ZBTB7C: variants seen among roughly 807,000 people sequenced by gnomAD.
The protein encoded by ZBTB7C is zinc finger and BTB domain-containing protein 7C.
Under a neutral mutation model 25.7 loss-of-function variants are expected in ZBTB7C, and 8 were observed. That is an observed-to-expected ratio of 0.31 (90% CI 0.18 to 0.56). The LOEUF is 0.56. Ranked by LOEUF, ZBTB7C falls within the 20% of genes least tolerant of loss-of-function variation. The probability of loss-of-function intolerance (pLI) is 0.91; values close to 1 mark genes in which losing one functional copy is unlikely to be tolerated. For missense variants in ZBTB7C, 824 were observed against 855.2 expected (o/e 0.96, Z 0.46); for synonymous variants, 394 against 369.0 (o/e 1.07, Z -0.78).
At chr18:48,232,398 C>T (rs1363513380) in intron 2 of ZBTB7C, among the ~76,000 whole-genome samples, 2 of 152,170 alleles carry the variant, frequency 1.3e-5, no homozygotes, top group Non-Finnish European at 2.9e-5. Flanking sequence ...AAGCCACCTA[C>T]TTTGTCATAC....
chr18:48,061,856 C>G (rs759008285), intron 3 of ZBTB7C, among the ~76,000 whole-genome samples: 9 of 152,120 alleles, frequency 5.9e-5, no homozygotes, highest in Non-Finnish European at 1.0e-4. Flanking sequence ...ACTTGCTGAG[C>G]ACAGATGGGC....
chr18:48,371,664 A>C (rs1277852217), intron 1 of ZBTB7C, among the ~76,000 whole-genome samples: 3 of 152,248 alleles, frequency 2.0e-5, no homozygotes, highest in African/African-American at 4.8e-5. Flanking sequence ...GCCAGGCACC[A>C]GATTAAAACC....
At chr18:48,326,737 C>T (rs1010763778) in intron 2 of ZBTB7C, among the ~76,000 whole-genome samples, 4 of 152,224 alleles carry the variant, frequency 2.6e-5, no homozygotes, top group Non-Finnish European at 5.9e-5. Context: ...AAATGGAAAA[C>T]TAAGAATACA....
At chr18:48,237,003 T>G (rs758023992) in intron 2 of ZBTB7C, among the ~76,000 whole-genome samples, 3 of 152,084 alleles carry the variant, frequency 2.0e-5, no homozygotes, top group Non-Finnish European at 4.4e-5. Context: ...AAGGGTGGTG[T>G]TACTGGCTCT....
At chr18:48,377,164 C>A (rs527540941) in intron 1 of ZBTB7C, among the ~76,000 whole-genome samples, 1 of 152,326 alleles carries the variant, frequency 6.6e-6, no homozygotes, top group African/African-American at 2.4e-5. Flanking sequence ...CACCCCCCAA[C>A]AGAGCATCAT....
At chr18:48,357,084 T>C (rs1444901020) in intron 1 of ZBTB7C, among the ~76,000 whole-genome samples, 1 of 152,212 alleles carries the variant, frequency 6.6e-6, no homozygotes, top group African/African-American at 2.4e-5. Context: ...TGAGGCAGCC[T>C]GCATTCTCCA....
At chr18:48,060,385 T>A (rs1212013459) in intron 3 of ZBTB7C, among the ~76,000 whole-genome samples, 2 of 152,002 alleles carry the variant, frequency 1.3e-5, no homozygotes, top group Non-Finnish European at 2.9e-5. Context: ...GCCATCTAGC[T>A]CCCAAACCTT....
intron 2 of ZBTB7C, among the ~76,000 whole-genome samples, chr18:48,259,291 TGGG>T (rs2044104784): frequency 1.6e-5 from 2 of 126,096 alleles, no homozygotes; most frequent in African/African-American, 3.7e-5. Flanking sequence ...AGCAATTCAA[TGGG>T]AAAAGGATAG....
chr18:48,401,341 C>T (rs1228598094), intron 1 of ZBTB7C, among the ~76,000 whole-genome samples: 5 of 152,170 alleles, frequency 3.3e-5, no homozygotes, highest in Non-Finnish European at 7.4e-5. Context: ...TCCCCTCACT[C>T]TTTGTCGAGA....
chr18:48,202,323 T>C (rs957018793), intron 2 of ZBTB7C, among the ~76,000 whole-genome samples: 1 of 152,064 alleles, frequency 6.6e-6, no homozygotes, highest in Non-Finnish European at 1.5e-5. Flanking sequence ...CAGCGGGGGC[T>C]GCTGAGTCCA....
chr18:48,033,081 G>C lies in ZBTB7C; in HGVS notation c.1209-3170C>G, dbSNP rs1174541713. The stretch of plus-strand genomic sequence containing the variant: ...GCTTCAGACCCACCACCAACTTGCT[G>C]GGTGGCTTTAGGCAAGTTATTTAAC... On this transcript the variant is annotated intron_variant, in intron 4 of 4. Coordinates refer to ENST00000590800, the MANE Select transcript of ZBTB7C (RefSeq NM_001318841.2). Among the ~76,000 whole-genome samples, 3 of 152,158 alleles carry C rather than the reference G, an allele frequency of 2.0e-5. No homozygotes were observed. The East Asian group carries it at 5.8e-4, about 29-fold the overall frequency.
intron 2 of ZBTB7C, among the ~76,000 whole-genome samples, chr18:48,324,728 T>C (rs2046178283): frequency 1.3e-5 from 2 of 152,200 alleles, no homozygotes; most frequent in Admixed American, 6.5e-5. Context: ...GAGAATGACA[T>C]GCTCAGATAA....
chr18:48,105,793 A>G (rs538622325), intron 3 of ZBTB7C, among the ~76,000 whole-genome samples: 1 of 152,326 alleles, frequency 6.6e-6, no homozygotes, highest in East Asian at 1.9e-4. Flanking sequence ...CTCCCGGTTC[A>G]CAAAACTGAA....
chr18:48,301,673 G>A (rs986454016), intron 2 of ZBTB7C, among the ~76,000 whole-genome samples: 1 of 152,170 alleles, frequency 6.6e-6, no homozygotes, highest in Non-Finnish European at 1.5e-5. Flanking sequence ...GTCTGTCATG[G>A]ACACTACCGA....
chr18:48,379,247 C>T (rs2047585980), intron 1 of ZBTB7C, among the ~76,000 whole-genome samples: 2 of 152,178 alleles, frequency 1.3e-5, no homozygotes, highest in African/African-American at 2.4e-5. Flanking sequence ...ATACCACCCC[C>T]TCTTGATTAC....
chr18:48,059,196 T>C (rs896505629), intron 3 of ZBTB7C, among the ~76,000 whole-genome samples: 3 of 152,192 alleles, frequency 2.0e-5, no homozygotes, highest in Non-Finnish European at 4.4e-5. Flanking sequence ...CCATTTATTT[T>C]TTTTTGCCTG....
At chr18:48,397,386 C>A (rs927363881) in intron 1 of ZBTB7C, among the ~76,000 whole-genome samples, 1 of 152,144 alleles carries the variant, frequency 6.6e-6, no homozygotes, top group African/African-American at 2.4e-5. Context: ...CAGGCGGTTC[C>A]CCACCTGAAT....
intron 1 of ZBTB7C, among the ~76,000 whole-genome samples, chr18:48,338,805 G>A (rs927959074): frequency 4.6e-5 from 7 of 151,702 alleles, no homozygotes; most frequent in Admixed American, 1.3e-4. Flanking sequence ...GCATGTTCTC[G>A]CATGTGAGAT....
chr18:48,036,974 G>T (rs759310368), intron 4 of ZBTB7C, among the ~76,000 whole-genome samples: 2 of 152,174 alleles, frequency 1.3e-5, no homozygotes, highest in African/African-American at 2.4e-5. Flanking sequence ...AGAAGCAAAG[G>T]CCCAGTGATT....
Sources: gnomAD v4.1 joint callset for allele counts (sites outside exome capture counted in the v4.1 genomes callset) on GRCh38, gnomAD v4.1.1 for gene constraint, MANE v1.5 for transcripts, NCBI Gene and HGNC (gene_info 2026-07-23, HGNC 2026-07-21) for gene names.